SOX5: variants seen among roughly 807,000 people sequenced by gnomAD.
SOX5 encodes the protein transcription factor SOX-5.
A neutral mutation model predicts 92.0 loss-of-function variants in SOX5; 9 were observed. The observed-to-expected ratio is 0.10, with a 90% confidence interval of 0.06 to 0.17. The LOEUF is 0.17. Ranked by LOEUF, SOX5 falls within the 10% of genes least tolerant of loss-of-function variation. The pLI, the probability that SOX5 is intolerant of heterozygous loss-of-function variation, is 1.00. For missense variants in SOX5, 642 were observed against 944.5 expected, an observed-to-expected ratio of 0.68 and a Z score of 4.20; for synonymous variants, 344 against 336.3, an observed-to-expected ratio of 1.02 and a Z score of -0.25.
chr12:24,409,865 G>A (rs373322752), intron 1 of SOX5, among the ~76,000 whole-genome samples: 27 of 152,212 alleles, frequency 1.8e-4, no homozygotes, highest in African/African-American at 6.5e-4. Context: ...TTACTATAGA[G>A]TTTTCAGAGT....
chr12:23,668,965 G>A (rs1488694926), intron 6 of SOX5, among the ~76,000 whole-genome samples: 1 of 152,028 alleles, frequency 6.6e-6, no homozygotes, highest in South Asian at 2.1e-4. Flanking sequence ...ATGTTCTATT[G>A]TTGAAACATT....
Position 24,424,909 on chromosome 12 carries a change from C to A in SOX5, c.-250-56270G>T, listed in dbSNP as rs138139158. 2.0e-5 allele frequency among the ~76,000 whole-genome samples: 3 copies of A among 151,126 alleles called. No individual in the cohort carries two copies. The East Asian group carries it at 5.9e-4, about 30-fold the overall frequency. ...ACAGCTGACATACTGGGGAGACCAT[C>A]TGCCTGCCATAGGTTTACCTGCCAT... On this transcript the variant is annotated intron_variant, in intron 1 of 4. Coordinates refer to the SOX5 transcript ENST00000446891.
intron 8 of SOX5, among the ~76,000 whole-genome samples, chr12:23,622,390 T>A (rs1289414625): frequency 1.3e-5 from 2 of 152,142 alleles, no homozygotes; most frequent in Admixed American, 1.3e-4. Flanking sequence ...AATTAGCTTT[T>A]TTAAAAAAAT....
intron 4 of SOX5, among the ~76,000 whole-genome samples, chr12:24,199,238 T>G (rs1273429002): frequency 1.3e-5 from 2 of 152,166 alleles, no homozygotes; most frequent in Non-Finnish European, 2.9e-5. Context: ...ATGCGTCTGT[T>G]CCAGAATAAG....
rs536878409 is a variant in SOX5 at position 23,988,215 on chromosome 12, G to A, written c.-1-92191C>T. Among the ~76,000 whole-genome samples, 7 of 152,238 alleles carry A rather than the reference G, an allele frequency of 4.6e-5. No individual in the cohort carries two copies. In the South Asian group the frequency reaches 1.5e-3, roughly 32 times the overall value. The stretch of plus-strand genomic sequence containing the variant: ...GCAAGCTTGTAGGAAAAAATGAAGA[G>A]TTCTATTTTGGCCATGTAATACTTA... On this transcript the variant is annotated intron_variant, in intron 4 of 4. Transcript: ENST00000446891.
intron 4 of SOX5, among the ~76,000 whole-genome samples, chr12:23,987,756 A>G (rs1950191744): frequency 6.6e-6 from 1 of 152,186 alleles, no homozygotes; most frequent in African/African-American, 2.4e-5. Flanking sequence ...TCAGGCCACC[A>G]TATTCCAGCC....
intron 4 of SOX5, among the ~76,000 whole-genome samples, chr12:24,023,091 CAATTT>C (rs1954497218): frequency 6.6e-6 from 1 of 152,062 alleles, no homozygotes; most frequent in African/African-American, 2.4e-5. Flanking sequence ...TCTGCTATTT[CAATTT>C]AATGGCTACC....
At chr12:24,170,098 C>T (rs1193406567) in intron 4 of SOX5, among the ~76,000 whole-genome samples, 1 of 152,084 alleles carries the variant, frequency 6.6e-6, no homozygotes, top group Non-Finnish European at 1.5e-5. Context: ...CTGACCCCGC[C>T]GTTTTTCTCA....
intron 7 of SOX5, among the ~76,000 whole-genome samples, chr12:23,643,306 A>G (rs980410732): frequency 3.3e-5 from 5 of 152,324 alleles, no homozygotes; most frequent in African/African-American, 1.2e-4. Context: ...TTGTAAACAC[A>G]GATTAGAAGC....
At chr12:24,533,477 T>C (rs1446027289) in intron 1 of SOX5, among the ~76,000 whole-genome samples, 1 of 152,178 alleles carries the variant, frequency 6.6e-6, no homozygotes, top group Admixed American at 6.5e-5. Context: ...TTTTTAAATA[T>C]GCATTTAGGG....
chr12:24,546,431 C>T (rs1222965056), intron 1 of SOX5, among the ~76,000 whole-genome samples: 5 of 152,168 alleles, frequency 3.3e-5, no homozygotes, highest in Non-Finnish European at 5.9e-5. Context: ...AAAAGATCAC[C>T]TTGATCTGAC....
intron 4 of SOX5, among the ~76,000 whole-genome samples, chr12:24,102,204 T>G (rs150940647): frequency 7.9e-5 from 12 of 152,168 alleles, no homozygotes; most frequent in Non-Finnish European, 1.8e-4. Context: ...GTTAACTACA[T>G]AGTACAACAA....
At chr12:23,966,502 A>G (rs538396600) in intron 4 of SOX5, among the ~76,000 whole-genome samples, 1 of 152,312 alleles carries the variant, frequency 6.6e-6, no homozygotes, top group South Asian at 2.1e-4. Flanking sequence ...CAGTACAGGT[A>G]AATTTTATTA....
chr12:24,465,500 T>C (rs1056722172), intron 1 of SOX5, among the ~76,000 whole-genome samples: 10 of 152,204 alleles, frequency 6.6e-5, no homozygotes, highest in Non-Finnish European at 1.5e-4. Context: ...AAAACAGACT[T>C]TGTTCTTGCT....
At chr12:23,753,773 C>A (rs898909503) in intron 4 of SOX5, among the ~76,000 whole-genome samples, 2 of 151,710 alleles carry the variant, frequency 1.3e-5, no homozygotes, top group African/African-American at 4.8e-5. Context: ...ACCTTTAAAT[C>A]AAATTCACTT....
At chr12:24,397,850 T>A (rs12811038) in intron 1 of SOX5, among the ~76,000 whole-genome samples, 18,784 of 151,488 alleles carry the variant, frequency 0.12, 1,173 homozygotes, top group Middle Eastern at 0.21. Context: ...TTATTTAATT[T>A]ATTTATTTAT....
Position 24,067,969 on chromosome 12 carries a change from AC to A in SOX5, c.-2+145373del, listed in dbSNP as rs200963996. Among the ~76,000 whole-genome samples, 915 of 152,232 alleles carry A rather than the reference AC, an allele frequency of 6.0e-3. 10 individuals carry two copies. The highest frequency in any genetic ancestry group is 0.033 in the South Asian group (159 of 4,826). ...AGAGCAGCCTGGACAACACGGTGAAACCCCGTCTCTACTAAAATACAAAAAA... is the reference window on the plus strand; with the variant it reads ...AGAGCAGCCTGGACAACACGGTGAAACCCGTCTCTACTAAAATACAAAAAA... On this transcript the variant is annotated intron_variant, in intron 4 of 4. Coordinates refer to the SOX5 transcript ENST00000446891.
chr12:23,731,970 A>T (rs1406974472), intron 6 of SOX5, among the ~76,000 whole-genome samples: 1 of 152,204 alleles, frequency 6.6e-6, no homozygotes, highest in Non-Finnish European at 1.5e-5. Context: ...CACTGTATTT[A>T]AAAAAGAAAA....
chr12:24,080,076 A>G (rs1220906851), intron 4 of SOX5, among the ~76,000 whole-genome samples: 1 of 151,978 alleles, frequency 6.6e-6, no homozygotes, highest in African/African-American at 2.4e-5. Context: ...TTTTAACTTC[A>G]GGAATAAGTT....
Sources: allele counts gnomAD v4.1 joint callset (sites outside exome capture counted in the v4.1 genomes callset), GRCh38; gene constraint gnomAD v4.1.1; transcripts MANE v1.5; gene names NCBI Gene and HGNC (gene_info 2026-07-23, HGNC 2026-07-21).